CPE: variants seen among roughly 807,000 people sequenced by gnomAD.
The protein encoded by CPE is carboxypeptidase E.
A neutral mutation model predicts 53.5 loss-of-function variants in CPE; 17 were observed. That is an observed-to-expected ratio of 0.32 (90% CI 0.22 to 0.48). The LOEUF (loss-of-function observed/expected upper bound fraction) is 0.48, where lower values mean the gene tolerates loss of function less well. Ranked by LOEUF, CPE falls within the 20% of genes least tolerant of loss-of-function variation. CPE has a pLI of 0.99. For synonymous variants in CPE, 226 were observed against 228.8 expected, an observed-to-expected ratio of 0.99 and a Z score of 0.11; for missense variants, 524 against 614.7, an observed-to-expected ratio of 0.85 and a Z score of 1.56.
intron 4 of CPE, among the ~76,000 whole-genome samples, chr4:165,483,443 A>G (rs1342322605): frequency 3.9e-5 from 6 of 152,244 alleles, no homozygotes; most frequent in Non-Finnish European, 7.3e-5. Flanking sequence ...TAGTGCTGCC[A>G]TAAACATATG....
At chr4:165,429,271 G>T (rs1731370112) in intron 1 of CPE, among the ~76,000 whole-genome samples, 1 of 152,050 alleles carries the variant, frequency 6.6e-6, no homozygotes, top group Non-Finnish European at 1.5e-5. Flanking sequence ...CAGGCCATGT[G>T]GACTCGGAGT....
chr4:165,481,220 G>A (rs1018812815), intron 3 of CPE, among the ~76,000 whole-genome samples: 1 of 152,106 alleles, frequency 6.6e-6, no homozygotes, highest in African/African-American at 2.4e-5. Flanking sequence ...TTAGCTGTGT[G>A]AACTTAGATA....
At chr4:165,473,162 G>A (rs55943316) in intron 3 of CPE, among the ~76,000 whole-genome samples, 22,074 of 152,002 alleles carry the variant, frequency 0.15, 1,918 homozygotes, top group East Asian at 0.23. Flanking sequence ...CTCTTTCACA[G>A]ATCTTTTCAC....
chr4:165,493,945 T>C (rs185548390), intron 7 of CPE, among the ~76,000 whole-genome samples: 1 of 152,348 alleles, frequency 6.6e-6, no homozygotes, highest in East Asian at 1.9e-4. Flanking sequence ...ATCTTTTCAA[T>C]AATGACAACT....
At chr4:165,490,562 G>A (rs1294207397) in intron 6 of CPE, among the ~76,000 whole-genome samples, 1 of 147,314 alleles carries the variant, frequency 6.8e-6, no homozygotes, top group East Asian at 2.0e-4. Flanking sequence ...GAACCCGGGA[G>A]GCGGAGCTTG....
chr4:165,428,562 T>C (rs72703648), intron 1 of CPE, among the ~76,000 whole-genome samples: 44,954 of 152,108 alleles, frequency 0.3, 6,727 homozygotes, highest in Middle Eastern at 0.39. Flanking sequence ...ACAAATTTGG[T>C]TGTTTAAAAC....
At position 165,482,255 on chromosome 4, in the gene CPE, C is replaced by T; in HGVS notation, c.686C>T (p.Thr229Ile). The change falls in exon 4 of 9, where the codon ACC becomes ATC. Residue 229 changes from threonine (T) to isoleucine (I), a missense_variant. Thr to Ile is a moderately conservative substitution (Grantham distance 89). Coordinates refer to ENST00000402744, the MANE Select transcript of CPE (RefSeq NM_001873.4). ...VDQNTKLAPE[T>I]KAVIHWIMDI... The stretch of plus-strand genomic sequence containing the variant: ...TCATCTGAACAGCTTGCTCCTGAGA[C>T]CAAGGCTGTCATTCATTGGATTATG... The T allele has an allele frequency of 6.2e-7, 1 of 1,612,240 alleles. No individual in the cohort carries two copies. Among genetic ancestry groups the T allele is most frequent in the Non-Finnish European group, 8.5e-7 (1 of 1,178,498 alleles).
At chr4:165,479,991 C>CAAA (rs80059796) in intron 3 of CPE, among the ~76,000 whole-genome samples, 2 of 63,782 alleles carry the variant, frequency 3.1e-5, no homozygotes, top group Non-Finnish European at 6.6e-5. Context: ...GACTCCGCCT[C>CAAA]AAAAAAAAAA....
At chr4:165,387,242 G>A (rs962931213) in intron 1 of CPE, among the ~76,000 whole-genome samples, 1 of 152,142 alleles carries the variant, frequency 6.6e-6, no homozygotes, top group East Asian at 1.9e-4. Flanking sequence ...GAAGGGTAGG[G>A]TGGCACATGT....
intron 1 of CPE, among the ~76,000 whole-genome samples, chr4:165,437,633 T>C (rs956728447): frequency 6.6e-6 from 1 of 152,200 alleles, no homozygotes; most frequent in African/African-American, 2.4e-5. Flanking sequence ...TGAGGACATA[T>C]AAATATGCAA....
At chr4:165,402,067 G>C (rs1409921461) in intron 1 of CPE, among the ~76,000 whole-genome samples, 2 of 152,138 alleles carry the variant, frequency 1.3e-5, no homozygotes, top group African/African-American at 4.8e-5. Flanking sequence ...TTCTTCAGAA[G>C]GTTGTGAGAT....
intron 3 of CPE, among the ~76,000 whole-genome samples, chr4:165,472,823 C>G (rs532756618): frequency 2.9e-4 from 44 of 152,214 alleles, no homozygotes; most frequent in South Asian, 6.2e-4. Context: ...ATTCTACTTT[C>G]CTTACATGCC....
intron 1 of CPE, among the ~76,000 whole-genome samples, chr4:165,426,910 C>CA: frequency 6.6e-6 from 1 of 152,086 alleles, no homozygotes; most frequent in East Asian, 1.9e-4. Flanking sequence ...AGGCAGAGAG[C>CA]GGGCCTGAAA....
At chr4:165,411,088 A>T (rs1731036868) in intron 1 of CPE, among the ~76,000 whole-genome samples, 1 of 152,244 alleles carries the variant, frequency 6.6e-6, no homozygotes, top group African/African-American at 2.4e-5. Flanking sequence ...TCTTGAGCAT[A>T]GTATGACTTA....
chr4:165,462,808 A>G (rs1317628237), intron 1 of CPE, among the ~76,000 whole-genome samples: 1 of 152,142 alleles, frequency 6.6e-6, no homozygotes, highest in Non-Finnish European at 1.5e-5. Flanking sequence ...TGATCCTTAG[A>G]TTAAGATTAG....
rs201424942 is a variant in CPE at position 165,414,700 on chromosome 4, C to T, written c.307+35172C>T. 2.8e-3 allele frequency among the ~76,000 whole-genome samples: 213 copies of T among 75,840 alleles called. 1 individual carries two copies. The highest frequency in any genetic ancestry group is 8.3e-3 in the African/African-American group (198 of 23,996). The allele number at this position is 75,840 out of a possible 152,430, so 49.8% of individuals were successfully genotyped here. A position where few individuals can be genotyped will look rare whatever the true frequency, so the allele number is the denominator to read the frequency against. On this transcript the variant is annotated intron_variant, in intron 1 of 8. Coordinates refer to ENST00000402744, the MANE Select transcript of CPE (RefSeq NM_001873.4). ...AGATAAAGTAATATATATATATACA[C>T]ACACACACACATACACACACACACA...
At chr4:165,435,176 A>G (rs540324024) in intron 1 of CPE, among the ~76,000 whole-genome samples, 7 of 152,178 alleles carry the variant, frequency 4.6e-5, no homozygotes, top group Non-Finnish European at 8.8e-5. Flanking sequence ...TAGCAACACA[A>G]ATGGACTAAG....
intron 3 of CPE, among the ~76,000 whole-genome samples, chr4:165,473,512 G>C (rs1049811481): frequency 2.6e-5 from 4 of 152,206 alleles, no homozygotes; most frequent in African/African-American, 4.8e-5. Context: ...TTAGATTTTT[G>C]CTGGGGCTTG....
At chr4:165,429,739 A>G (rs1292578451) in intron 1 of CPE, among the ~76,000 whole-genome samples, 1 of 152,162 alleles carries the variant, frequency 6.6e-6, no homozygotes, top group Non-Finnish European at 1.5e-5. Context: ...TCATGTTACA[A>G]ACACTTCAAG....
Sources: gnomAD v4.1 joint callset for allele counts (sites outside exome capture counted in the v4.1 genomes callset) on GRCh38, gnomAD v4.1.1 for gene constraint, MANE v1.5 for transcripts, NCBI Gene and HGNC (gene_info 2026-07-23, HGNC 2026-07-21) for gene names.